Variants in PTPRT observed in about 807,000 individuals in gnomAD.
PTPRT encodes the protein protein tyrosine phosphatase receptor type T.
A neutral mutation model predicts 176.8 loss-of-function variants in PTPRT; 56 were observed. That is an observed-to-expected ratio of 0.32 (90% CI 0.26 to 0.40). The LOEUF (loss-of-function observed/expected upper bound fraction) is 0.40. PTPRT is among the 10% of genes least tolerant of loss of function. PTPRT has a pLI of 1.00. For synonymous variants in PTPRT, 783 were observed against 739.0 expected, an observed-to-expected ratio of 1.06 and a Z score of -0.96; for missense variants, 1,540 against 1,908.2, an observed-to-expected ratio of 0.81 and a Z score of 3.60.
intron 7 of PTPRT, among the ~76,000 whole-genome samples, chr20:42,576,311 G>A (rs946870707): frequency 6.6e-6 from 1 of 152,120 alleles, no homozygotes; most frequent in South Asian, 2.1e-4. Context: ...GCCTTCTCTG[G>A]ACCCTCTGTT....
intron 2 of PTPRT, among the ~76,000 whole-genome samples, chr20:42,793,806 T>C (rs1207194852): frequency 6.6e-6 from 1 of 152,100 alleles, no homozygotes; most frequent in Admixed American, 6.6e-5. Context: ...TTCCAAAAGG[T>C]TTCCTTGGAC....
At chr20:42,652,310 T>A (rs912751394) in intron 7 of PTPRT, among the ~76,000 whole-genome samples, 1 of 152,118 alleles carries the variant, frequency 6.6e-6, no homozygotes, top group Non-Finnish European at 1.5e-5. Context: ...TAGCCCTTCA[T>A]TCATTTAACA....
the PTPRT span, among the ~76,000 whole-genome samples, chr20:42,042,443 T>C: frequency 6.6e-6 from 1 of 152,208 alleles, no homozygotes; most frequent in African/African-American, 2.4e-5. Flanking sequence ...TCCTCTCCTC[T>C]TTTAAAAATA....
intron 6 of PTPRT, among the ~76,000 whole-genome samples, chr20:42,680,325 T>G (rs2075582019): frequency 6.6e-6 from 1 of 152,226 alleles, no homozygotes; most frequent in African/African-American, 2.4e-5. Context: ...TTAAGCAGAT[T>G]AGTCAAGCTA....
At chr20:42,107,018 G>A in intron 23 of PTPRT, 97 bp from the exon 24 acceptor site, 1 of 1,459,538 alleles carries the variant, frequency 6.9e-7, no homozygotes, top group Non-Finnish European at 9.2e-7. Flanking sequence ...GGGTCCTGCT[G>A]GGAGGCTCTA....
At chr20:42,329,556 G>A (rs1355990574) in intron 11 of PTPRT, among the ~76,000 whole-genome samples, 1 of 151,614 alleles carries the variant, frequency 6.6e-6, no homozygotes, top group East Asian at 1.9e-4. Flanking sequence ...AGACTGGAAG[G>A]AGTATTCAAT....
chr20:42,472,115 A>T, intron 8 of PTPRT, 151 bp downstream of exon 8: 1 of 866,034 alleles, frequency 1.2e-6, no homozygotes, highest in Non-Finnish European at 1.7e-6. Flanking sequence ...TGCACAGTTT[A>T]CATAGTCCTT....
At chr20:42,746,115 G>A in intron 6 of PTPRT, among the ~76,000 whole-genome samples, 1 of 152,186 alleles carries the variant, frequency 6.6e-6, no homozygotes, top group Non-Finnish European at 1.5e-5. Flanking sequence ...ACATCAGCAT[G>A]CAGCTGATAA....
chr20:42,560,048 A>C (rs896543947), intron 7 of PTPRT, among the ~76,000 whole-genome samples: 9 of 152,226 alleles, frequency 5.9e-5, no homozygotes, highest in Non-Finnish European at 1.0e-4. Flanking sequence ...GCATCGGCAG[A>C]AGCACAGATG....
intron 1 of PTPRT, among the ~76,000 whole-genome samples, chr20:43,021,489 G>A (rs1985678758): frequency 6.6e-6 from 1 of 152,052 alleles, no homozygotes. Context: ...GTTGGATGGG[G>A]TAGGTCATAC....
chr20:42,608,228 GCA>G (rs1222013287), intron 7 of PTPRT, among the ~76,000 whole-genome samples: 1 of 152,132 alleles, frequency 6.6e-6, no homozygotes, highest in African/African-American at 2.4e-5. Flanking sequence ...TGCATCATGG[GCA>G]GCCACAGCCC....
chr20:42,388,877 A>G (rs1286905261), intron 9 of PTPRT, among the ~76,000 whole-genome samples: 1 of 152,196 alleles, frequency 6.6e-6, no homozygotes, highest in Non-Finnish European at 1.5e-5. Flanking sequence ...AACCAACCCA[A>G]ATGTCCATCA....
chr20:42,215,325 A>G (rs1412550716), intron 15 of PTPRT, among the ~76,000 whole-genome samples: 1 of 152,104 alleles, frequency 6.6e-6, no homozygotes, highest in Admixed American at 6.5e-5. Flanking sequence ...GTGAGACTCA[A>G]TTTCCTCGTC....
At chr20:42,568,578 C>T (rs1228886582) in intron 7 of PTPRT, among the ~76,000 whole-genome samples, 1 of 152,102 alleles carries the variant, frequency 6.6e-6, no homozygotes, top group African/African-American at 2.4e-5. Context: ...TCTTCCATGC[C>T]CCTCTGGGTT....
At chr20:42,929,165 G>C (rs1979671893) in intron 1 of PTPRT, among the ~76,000 whole-genome samples, 1 of 152,234 alleles carries the variant, frequency 6.6e-6, no homozygotes, top group Non-Finnish European at 1.5e-5. Context: ...CTCTCCTAGG[G>C]AGATATTTTG....
At chr20:42,795,774 C>T (rs1261247021) in intron 2 of PTPRT, among the ~76,000 whole-genome samples, 1 of 152,206 alleles carries the variant, frequency 6.6e-6, no homozygotes, top group Non-Finnish European at 1.5e-5. Context: ...AGTTGTGTGA[C>T]TTTGAGCAAG....
At chr20:42,492,859 G>T (rs2071585341) in intron 7 of PTPRT, among the ~76,000 whole-genome samples, 1 of 152,070 alleles carries the variant, frequency 6.6e-6, no homozygotes, top group Non-Finnish European at 1.5e-5. Flanking sequence ...GACTTTCTCT[G>T]TTTGCATTTG....
chr20:42,746,675 G>C (rs1053150733), intron 6 of PTPRT, among the ~76,000 whole-genome samples: 2 of 151,984 alleles, frequency 1.3e-5, no homozygotes, highest in African/African-American at 2.4e-5. Flanking sequence ...ACCAAAGAAA[G>C]ATTAAAAAAT....
chr20:42,149,474 A>G (rs1003081951), intron 17 of PTPRT, among the ~76,000 whole-genome samples: 20 of 148,820 alleles, frequency 1.3e-4, no homozygotes, highest in African/African-American at 5.1e-4. Context: ...CCCAGGCTGG[A>G]GTGCAATGGC....
Sources: gnomAD v4.1 joint callset for allele counts (sites outside exome capture counted in the v4.1 genomes callset) on GRCh38, gnomAD v4.1.1 for gene constraint, MANE v1.5 for transcripts, NCBI Gene and HGNC (gene_info 2026-07-23, HGNC 2026-07-21) for gene names.